Variants in NBPF8 observed in about 807,000 individuals in gnomAD.
NBPF8 encodes NBPF family member NBPF8.
intron 13 of NBPF8, among the ~76,000 whole-genome samples, chr1:120,452,796 C>T (rs1553249114): frequency 1.3e-5 from 2 of 152,180 alleles, no homozygotes; most frequent in African/African-American, 4.8e-5. Context: ...GGAACACTTA[C>T]AACTGCTTTC....
downstream of NBPF8, among the ~76,000 whole-genome samples, chr1:120,468,603 T>TGAG (rs1661815105): frequency 2.0e-5 from 3 of 150,794 alleles, no homozygotes; most frequent in Non-Finnish European, 1.5e-5. Flanking sequence ...CTCTTCACCA[T>TGAG]GAGTCTCCAG....
chr1:120,468,872 G>A (rs1442190810), downstream of NBPF8, among the ~76,000 whole-genome samples: 62,476 of 144,724 alleles, frequency 0.43, 11,040 homozygotes, highest in African/African-American at 0.49. Context: ...TCCCTCTGCC[G>A]TCGTGTGGCT....
intron 13 of NBPF8, among the ~76,000 whole-genome samples, chr1:120,452,561 G>A (rs1661311697): frequency 1.3e-5 from 2 of 152,180 alleles, no homozygotes; most frequent in Admixed American, 6.5e-5. Flanking sequence ...GGTCTCTGGA[G>A]CAAGAGGCAG....
chr1:120,449,571 A>T (rs1388221927), intron 11 of NBPF8, among the ~76,000 whole-genome samples, 169 bp downstream of exon 9: 1 of 151,868 alleles, frequency 6.6e-6, no homozygotes, highest in African/African-American at 2.4e-5. Context: ...GAGGTACCAA[A>T]GTATTTAGCA....
In NBPF8 at chr1:120,426,256, CCTGT is replaced by C. The variant is rs747329101; in HGVS notation, n.368+416_368+419del. Among the ~76,000 whole-genome samples, 4 of 150,346 alleles carry C rather than the reference CCTGT, an allele frequency of 2.7e-5. No individual in the cohort carries two copies. In the Middle Eastern group the frequency reaches 0.01, roughly 394 times the overall value. On this transcript the variant is annotated intron_variant and non_coding_transcript_variant, in intron 2 of 28. Coordinates refer to the NBPF8 transcript ENST00000652355. ...CAGAGGCCACGTGCTTTCCTCCTTA[CCTGT>C]CTGTTTCATCTTTCAACCAATAACA...
At chr1:120,434,141 G>A (rs1553247433), upstream of NBPF8, 5,301 of 152,002 alleles carry the variant, frequency 0.035, 112 homozygotes, top group Non-Finnish European at 0.052. Context: ...TGGGGGAGGC[G>A]GAGAGCTCGA....
chr1:120,455,131 A>G, intron 15 of NBPF8, among the ~76,000 whole-genome samples: 1 of 151,178 alleles, frequency 6.6e-6, no homozygotes, highest in East Asian at 2.0e-4. Flanking sequence ...CAATTTTTGG[A>G]GATTTTTTTG....
chr1:120,464,301 C>G, intron 22 of NBPF8, 75 bp from the exon 21 acceptor site: 1 of 713,188 alleles, frequency 1.4e-6, no homozygotes, highest in Admixed American at 1.9e-5. Context: ...CCTTATGCTA[C>G]CCATGAAACC....
chr1:120,467,538 T>C (rs1286160127), exon 25 of NBPF8: 2 of 112,360 alleles, frequency 1.8e-5, no homozygotes, highest in Admixed American at 9.9e-5. Context: ...CTCTAAACAT[T>C]TTATCATTTA....
chr1:120,425,199 A>G (rs1473484391), intron 1 of NBPF8, among the ~76,000 whole-genome samples: 1 of 152,048 alleles, frequency 6.6e-6, no homozygotes, highest in Non-Finnish European at 1.5e-5. Flanking sequence ...AGGATTAGTA[A>G]AAGAGGAAGG....
At chr1:120,462,093 T>A (rs1257303175) in intron 19 of NBPF8, 53 bp from the exon 18 acceptor site, 1 of 292,522 alleles carries the variant, frequency 3.4e-6, no homozygotes, top group Non-Finnish European at 6.0e-6. Context: ...TGGATTGTTA[T>A]GTGTGTAGGA....
At chr1:120,453,492 A>T (rs1482404722) in intron 14 of NBPF8, 48 bp downstream of exon 12, 245 of 948,204 alleles carry the variant, frequency 2.6e-4, no homozygotes, top group Non-Finnish European at 3.8e-4. Flanking sequence ...ACATATGAGG[A>T]ATATCTAGGA....
upstream of NBPF8, among the ~76,000 whole-genome samples, chr1:120,419,599 C>A (rs1333255417): frequency 1.3e-5 from 2 of 152,066 alleles, no homozygotes; most frequent in Non-Finnish European, 1.5e-5. Context: ...GCTGAGACTA[C>A]AAGTGTGTGC....
At chr1:120,451,976 C>A in intron 12 of NBPF8, 141 bp from the exon 11 acceptor site, 1 of 962,114 alleles carries the variant, frequency 1.0e-6, no homozygotes, top group South Asian at 1.3e-5. Context: ...TTCTCTTGGC[C>A]ACAGACATTC....
At chr1:120,464,177 G>GTT (rs1160653848) in intron 22 of NBPF8, among the ~76,000 whole-genome samples, 199 bp from the exon 21 acceptor site, 2 of 110,440 alleles carry the variant, frequency 1.8e-5, no homozygotes, top group African/African-American at 4.3e-5. Flanking sequence ...GTGTGTGTGT[G>GTT]TCTGTCTGTC....
At chr1:120,418,688 C>G (rs1216298047), upstream of NBPF8, among the ~76,000 whole-genome samples, 2 of 78,990 alleles carry the variant, frequency 2.5e-5, no homozygotes, top group African/African-American at 1.8e-4. Context: ...GTAGCTGGTT[C>G]TACAGGCATG....
upstream of NBPF8, among the ~76,000 whole-genome samples, chr1:120,419,639 A>G (rs1322987218): frequency 6.7e-6 from 1 of 149,404 alleles, no homozygotes; most frequent in East Asian, 2.0e-4. Context: ...TTCATTTTTT[A>G]TTTTCAGAGA....
At position 120,436,736 on chromosome 1, in the gene NBPF8, G is replaced by A. The variant is rs1570934969; in HGVS notation, n.345+39G>A. On this transcript the variant is annotated intron_variant and non_coding_transcript_variant, in intron 1 of 24. Transcript: ENST00000583271. ...GCTCACCGTCATGAAAGTGATGAATGATGTCCTGTCTTCTCTCTGAGACAC... is the reference window on the plus strand; with the variant it reads ...GCTCACCGTCATGAAAGTGATGAATAATGTCCTGTCTTCTCTCTGAGACAC... 5.1e-6 allele frequency: 5 copies of A among 984,484 alleles called. No individual in the cohort carries two copies. The East Asian group carries it at 7.2e-5, about 14-fold the overall frequency. The allele number at this position is 984,484 out of a possible 1,614,324, so 61.0% of individuals were successfully genotyped here.
At chr1:120,434,373 A>G (rs1253416728), upstream of NBPF8, among the ~76,000 whole-genome samples, 1 of 147,364 alleles carries the variant, frequency 6.8e-6, no homozygotes, top group Non-Finnish European at 1.5e-5. Context: ...ACGTGTATAC[A>G]GGTATATATG....
Sources: gnomAD v4.1 joint callset for allele counts (sites outside exome capture counted in the v4.1 genomes callset) on GRCh38, gnomAD v4.1.1 for gene constraint, MANE v1.5 for transcripts, NCBI Gene and HGNC (gene_info 2026-07-23, HGNC 2026-07-21) for gene names.